ANXA4: variants seen among roughly 807,000 people sequenced by gnomAD.
ANXA4 encodes the protein annexin A4.
In ANXA4, 39 loss-of-function variants were observed where a neutral mutation model predicts 49.8. The observed-to-expected ratio is 0.78, with a 90% confidence interval of 0.61 to 1.02. The LOEUF is 1.02. Ranked by LOEUF, ANXA4 falls within the 50% of genes least tolerant of loss-of-function variation. The pLI is 0.00. For synonymous variants in ANXA4, 134 were observed against 152.5 expected (o/e 0.88, Z 0.89); for missense variants, 360 against 410.1 (o/e 0.88, Z 1.05).
intron 2 of ANXA4, among the ~76,000 whole-genome samples, chr2:69,658,335 G>A (rs919888089): frequency 1.3e-5 from 2 of 151,080 alleles, no homozygotes; most frequent in Non-Finnish European, 2.9e-5. Context: ...GGGAGGCAGA[G>A]GCTGCAGTGA....
At chr2:69,671,127 G>C (rs185048551) in intron 2 of ANXA4, among the ~76,000 whole-genome samples, 10 of 150,222 alleles carry the variant, frequency 6.7e-5, no homozygotes, top group Non-Finnish European at 1.3e-4. Flanking sequence ...TTAGATAATA[G>C]AATGAGTAGA....
intron 2 of ANXA4, among the ~76,000 whole-genome samples, chr2:69,703,934 C>T (rs1033154282): frequency 9.2e-5 from 14 of 152,048 alleles, no homozygotes; most frequent in African/African-American, 2.7e-4. Flanking sequence ...GCCACCCCCC[C>T]GCAGCTTAAA....
intron 2 of ANXA4, among the ~76,000 whole-genome samples, chr2:69,716,313 C>A (rs1669617359): frequency 6.6e-6 from 1 of 151,978 alleles, no homozygotes; most frequent in South Asian, 2.1e-4. Context: ...CCCTTAAAGT[C>A]AAGAGTCCTG....
At chr2:69,748,392 A>G (rs947128842) in intron 1 of ANXA4, among the ~76,000 whole-genome samples, 6 of 149,480 alleles carry the variant, frequency 4.0e-5, no homozygotes, top group Admixed American at 2.7e-4. Flanking sequence ...CAAAAAAAGA[A>G]AAAAAAAAAT....
At chr2:69,792,756 T>C (rs1672747466) in intron 3 of ANXA4, among the ~76,000 whole-genome samples, 1 of 152,250 alleles carries the variant, frequency 6.6e-6, no homozygotes, top group Non-Finnish European at 1.5e-5. Flanking sequence ...CCATGTTCAG[T>C]AGTTTCAATC....
At chr2:69,643,865 C>T (rs1458115412), upstream of ANXA4, 4 of 1,177,342 alleles carry the variant, frequency 3.4e-6, no homozygotes, top group Non-Finnish European at 4.2e-6. Flanking sequence ...CTGCAACCGC[C>T]GTTCTGTCGC....
chr2:69,706,256 T>C (rs1304715612), intron 2 of ANXA4, among the ~76,000 whole-genome samples: 1 of 150,570 alleles, frequency 6.6e-6, no homozygotes, highest in Non-Finnish European at 1.5e-5. Context: ...ACTTTTTCCT[T>C]TGATCTGTTA....
intron 2 of ANXA4, among the ~76,000 whole-genome samples, chr2:69,701,910 T>G (rs1047914719): frequency 2.0e-5 from 3 of 152,204 alleles, no homozygotes; most frequent in South Asian, 2.1e-4. Flanking sequence ...CTTAATAAAT[T>G]AAGAAATTAG....
At chr2:69,745,047 A>G (rs1170529828) in intron 1 of ANXA4, among the ~76,000 whole-genome samples, 3 of 152,116 alleles carry the variant, frequency 2.0e-5, no homozygotes. Flanking sequence ...GCAGTGAGCT[A>G]TGATTGTGCC....
chr2:69,645,971 A>G (rs1196852623), intron 1 of ANXA4, among the ~76,000 whole-genome samples: 2 of 152,152 alleles, frequency 1.3e-5, no homozygotes, highest in Admixed American at 6.6e-5. Context: ...TCAAACCCAA[A>G]CATTTTAGTT....
At chr2:69,786,311 C>T (rs1450452477) in intron 2 of ANXA4, among the ~76,000 whole-genome samples, 1 of 152,170 alleles carries the variant, frequency 6.6e-6, no homozygotes, top group East Asian at 1.9e-4. Context: ...ATGTGCTGAG[C>T]TGTCTGTTCC....
intron 1 of ANXA4, among the ~76,000 whole-genome samples, chr2:69,749,766 A>C (rs1305612102): frequency 6.6e-6 from 1 of 151,516 alleles, no homozygotes; most frequent in Non-Finnish European, 1.5e-5. Context: ...CTCTTACTAA[A>C]AAAAAAAAAA....
intron 1 of ANXA4, among the ~76,000 whole-genome samples, chr2:69,647,837 G>A (rs990157753): frequency 2.0e-5 from 3 of 152,176 alleles, no homozygotes; most frequent in Admixed American, 6.5e-5. Context: ...GATTACAGAT[G>A]TGAGCCACCG....
chr2:69,701,641 C>G lies in ANXA4; in HGVS notation n.767-19133C>G, dbSNP rs551807559. On this transcript the variant is annotated intron_variant and non_coding_transcript_variant, in intron 2 of 3. Coordinates refer to the ANXA4 transcript ENST00000418066. ...AAATTGTCCTTCTAAAAGGTGATAC[C>G]TTCATTCCCACCACAGCAAGTAGGT... Among the ~76,000 whole-genome samples, 27 of 152,160 alleles carry G rather than the reference C, an allele frequency of 1.8e-4. No individual in the cohort carries two copies. The South Asian group carries it at 5.6e-3, about 32-fold the overall frequency.
At chr2:69,805,045 T>C (rs1320926197) in intron 4 of ANXA4, among the ~76,000 whole-genome samples, 1 of 13,730 alleles carries the variant, frequency 7.3e-5, no homozygotes, top group Non-Finnish European at 1.0e-4. Flanking sequence ...AGACTCCATC[T>C]CAAAAAAAAA....
At chr2:69,707,928 T>C (rs1264160875) in intron 2 of ANXA4, among the ~76,000 whole-genome samples, 2 of 152,248 alleles carry the variant, frequency 1.3e-5, no homozygotes, top group Non-Finnish European at 2.9e-5. Context: ...TCTATCACTG[T>C]ATTTAAATTT....
At chr2:69,748,279 T>C (rs1372776555) in intron 1 of ANXA4, among the ~76,000 whole-genome samples, 1 of 151,482 alleles carries the variant, frequency 6.6e-6, no homozygotes, top group Non-Finnish European at 1.5e-5. Context: ...CTCAGGAGGC[T>C]GAGGCAGGAG....
intron 2 of ANXA4, among the ~76,000 whole-genome samples, chr2:69,682,250 C>G (rs150832323): frequency 2.0e-4 from 30 of 152,254 alleles, no homozygotes; most frequent in African/African-American, 6.7e-4. Context: ...AAACTCCCCT[C>G]TTAGCACTGC....
At chr2:69,748,570 T>C (rs1469983716) in intron 1 of ANXA4, among the ~76,000 whole-genome samples, 1 of 151,338 alleles carries the variant, frequency 6.6e-6, no homozygotes, top group Non-Finnish European at 1.5e-5. Flanking sequence ...TAATTTTACA[T>C]ATTAATTTCA....
Sources: allele counts gnomAD v4.1 joint callset (sites outside exome capture counted in the v4.1 genomes callset), GRCh38; gene constraint gnomAD v4.1.1; transcripts MANE v1.5; gene names NCBI Gene and HGNC (gene_info 2026-07-23, HGNC 2026-07-21).